Variants in PTPRD observed in about 807,000 individuals in gnomAD.
PTPRD encodes the protein receptor-type tyrosine-protein phosphatase delta.
In PTPRD, 34 loss-of-function variants were observed where a neutral mutation model predicts 214.5. The ratio of observed to expected loss-of-function variants is 0.16; its 90% CI spans 0.12 to 0.21. The LOEUF (loss-of-function observed/expected upper bound fraction) is 0.21. Among genes scored for constraint, PTPRD ranks in the 10% least tolerant of loss-of-function variants. The pLI, the probability that PTPRD is intolerant of heterozygous loss-of-function variation, is 1.00. For missense variants in PTPRD, 2,545 were observed against 2,398.7 expected (o/e 1.06, Z -1.27); for synonymous variants, 1,128 against 845.7 (o/e 1.33, Z -5.79).
chr9:9,540,416 T>A (rs2077344241), intron 8 of PTPRD, among the ~76,000 whole-genome samples: 1 of 151,812 alleles, frequency 6.6e-6, no homozygotes, highest in South Asian at 2.1e-4. Context: ...CAGCCATCTT[T>A]ACAGACAGAT....
At position 8,641,775 on chromosome 9, in the gene PTPRD, T is replaced by C. The variant is rs142688074; in HGVS notation, c.65-4931A>G. 3.0e-3 allele frequency among the ~76,000 whole-genome samples: 458 copies of C among 152,358 alleles called. 2 individuals are homozygous for C. Among genetic ancestry groups the C allele is most frequent in the Admixed American group, 3.5e-3 (54 of 15,306 alleles). ...AAGCCACAAACTGCGCACTGATTTT[T>C]GCTTTTAAGAAGTTAGATTGTTTCT... On this transcript the variant is annotated intron_variant, in intron 12 of 45. Coordinates refer to ENST00000381196, the MANE Select transcript of PTPRD (RefSeq NM_002839.4).
At chr9:9,704,028 A>T (rs1341339971) in intron 7 of PTPRD, among the ~76,000 whole-genome samples, 1 of 152,164 alleles carries the variant, frequency 6.6e-6, no homozygotes, top group Non-Finnish European at 1.5e-5. Context: ...GACTACTGGC[A>T]TGAGCCACTG....
At chr9:8,489,665 T>C (rs2136152044) in intron 27 of PTPRD, among the ~76,000 whole-genome samples, 1 of 152,146 alleles carries the variant, frequency 6.6e-6, no homozygotes, top group East Asian at 1.9e-4. Flanking sequence ...TTAAACAGGC[T>C]GGAGTAAGGG....
At chr9:10,261,966 G>T (rs760163782) in intron 3 of PTPRD, among the ~76,000 whole-genome samples, 1 of 151,838 alleles carries the variant, frequency 6.6e-6, no homozygotes, top group Non-Finnish European at 1.5e-5. Flanking sequence ...ATAGATTCAG[G>T]GAATTAATAT....
intron 8 of PTPRD, among the ~76,000 whole-genome samples, chr9:9,488,031 G>A (rs1169579827): frequency 2.0e-5 from 3 of 152,092 alleles, no homozygotes; most frequent in African/African-American, 7.2e-5. Context: ...AACCTATGAG[G>A]TAGACTTTCC....
chr9:9,559,567 G>A (rs1372333316), intron 8 of PTPRD, among the ~76,000 whole-genome samples: 2 of 152,220 alleles, frequency 1.3e-5, no homozygotes, highest in Non-Finnish European at 2.9e-5. Flanking sequence ...TCCCAGGTAA[G>A]AGGGGCATTG....
chr9:10,316,194 T>C (rs1345335232), intron 3 of PTPRD, among the ~76,000 whole-genome samples: 1 of 146,852 alleles, frequency 6.8e-6, no homozygotes, highest in Admixed American at 6.9e-5. Context: ...TACATATATA[T>C]AGACACACAC....
intron 5 of PTPRD, among the ~76,000 whole-genome samples, chr9:9,835,462 G>C (rs2056471671): frequency 6.6e-6 from 1 of 152,110 alleles, no homozygotes; most frequent in African/African-American, 2.4e-5. Context: ...AGAAGATACA[G>C]TGATGTACAT....
intron 5 of PTPRD, among the ~76,000 whole-genome samples, chr9:9,921,870 C>T (rs1285663478): frequency 6.6e-6 from 1 of 151,998 alleles, no homozygotes; most frequent in African/African-American, 2.4e-5. Flanking sequence ...ATCATTACCT[C>T]CATTTTATAA....
intron 5 of PTPRD, among the ~76,000 whole-genome samples, chr9:9,905,563 A>G (rs1207554158): frequency 1.3e-5 from 2 of 151,990 alleles, no homozygotes; most frequent in African/African-American, 4.8e-5. Flanking sequence ...TTTATAAAAT[A>G]ACTATACACA....
intron 10 of PTPRD, among the ~76,000 whole-genome samples, chr9:9,037,250 G>A (rs2099624927): frequency 6.6e-6 from 1 of 151,984 alleles, no homozygotes; most frequent in African/African-American, 2.4e-5. Flanking sequence ...TTTATGGTAG[G>A]GAAACTGAAG....
chr9:10,106,839 T>C (rs2098638266), intron 3 of PTPRD, among the ~76,000 whole-genome samples: 1 of 152,018 alleles, frequency 6.6e-6, no homozygotes, highest in African/African-American at 2.4e-5. Flanking sequence ...TATGTTTCAT[T>C]GAAACTTTTG....
chr9:9,930,246 G>T (rs186566443), intron 5 of PTPRD, among the ~76,000 whole-genome samples: 1 of 152,134 alleles, frequency 6.6e-6, no homozygotes, highest in African/African-American at 2.4e-5. Context: ...ATTAGAGTGT[G>T]CCTTTGGTTA....
chr9:10,491,444 G>A (rs2040198364), intron 2 of PTPRD, among the ~76,000 whole-genome samples: 1 of 151,850 alleles, frequency 6.6e-6, no homozygotes, highest in African/African-American at 2.4e-5. Flanking sequence ...ATTTCTAATA[G>A]CAATTATAAA....
chr9:8,978,489 T>G (rs1387960831), intron 11 of PTPRD, among the ~76,000 whole-genome samples: 1 of 152,132 alleles, frequency 6.6e-6, no homozygotes, highest in Non-Finnish European at 1.5e-5. Flanking sequence ...GTCAGCATTA[T>G]TAGGGTGCCT....
intron 3 of PTPRD, among the ~76,000 whole-genome samples, chr9:10,278,813 T>A (rs34917326): frequency 6.6e-6 from 1 of 151,980 alleles, no homozygotes; most frequent in South Asian, 2.1e-4. Flanking sequence ...CTCGCTCTGT[T>A]GCCCAGGCTG....
intron 2 of PTPRD, among the ~76,000 whole-genome samples, chr9:10,389,457 C>A (rs138432405): frequency 1.4e-3 from 218 of 151,978 alleles, no homozygotes; most frequent in African/African-American, 5.1e-3. Context: ...TCAATGCCAG[C>A]AATCCACACA....
intron 3 of PTPRD, among the ~76,000 whole-genome samples, chr9:10,104,150 G>T (rs183408863): frequency 2.0e-4 from 31 of 151,776 alleles, no homozygotes; most frequent in African/African-American, 7.2e-4. Context: ...AATGGTGGGT[G>T]CCAGGGGCTG....
intron 5 of PTPRD, among the ~76,000 whole-genome samples, chr9:9,860,287 T>G (rs769004376): frequency 1.4e-4 from 21 of 152,226 alleles, no homozygotes; most frequent in Admixed American, 7.2e-4. Context: ...GCTACAAAAA[T>G]CATCATTGTT....
Sources: gnomAD v4.1 joint callset for allele counts (sites outside exome capture counted in the v4.1 genomes callset) on GRCh38, gnomAD v4.1.1 for gene constraint, MANE v1.5 for transcripts, NCBI Gene and HGNC (gene_info 2026-07-23, HGNC 2026-07-21) for gene names.